The following FSTL5 variants were observed in gnomAD, a reference collection of about 807,000 sequenced individuals.
FSTL5 encodes follistatin-related protein 5.
FSTL5 carries 62 observed loss-of-function variants against 89.1 expected under a neutral mutation model. The ratio of observed to expected loss-of-function variants is 0.70; its 90% confidence interval spans 0.57 to 0.86. FSTL5 has a LOEUF of 0.86. FSTL5 is among the 40% of genes least tolerant of loss of function. FSTL5 has a pLI of 0.00. For synonymous variants in FSTL5, 383 were observed against 346.2 expected (o/e 1.11, Z -1.18); for missense variants, 1,057 against 1,001.6 (o/e 1.06, Z -0.75).
At chr4:161,407,013 T>C (rs897348564) in intron 15 of FSTL5, among the ~76,000 whole-genome samples, 2 of 152,142 alleles carry the variant, frequency 1.3e-5, no homozygotes, top group African/African-American at 4.8e-5. Context: ...TCTAGTACTG[T>C]CTTTTTTGTA....
At chr4:161,671,766 T>C (rs2126698792) in intron 6 of FSTL5, among the ~76,000 whole-genome samples, 1 of 152,234 alleles carries the variant, frequency 6.6e-6, no homozygotes, top group East Asian at 1.9e-4. Flanking sequence ...ATACCCAGAA[T>C]CCAAAACAAC....
intron 10 of FSTL5, among the ~76,000 whole-genome samples, chr4:161,510,703 T>A (rs1730623666): frequency 6.6e-6 from 1 of 151,758 alleles, no homozygotes; most frequent in African/African-American, 2.4e-5. Flanking sequence ...TTGAAAAGAA[T>A]AGGAAGTTTA....
chr4:161,574,767 G>C (rs1733152778), intron 8 of FSTL5, among the ~76,000 whole-genome samples: 3 of 152,102 alleles, frequency 2.0e-5, no homozygotes, highest in Non-Finnish European at 4.4e-5. Context: ...ATTTGGGTTG[G>C]TTGAAGTCTT....
chr4:161,591,665 T>C (rs1013656717), intron 7 of FSTL5, among the ~76,000 whole-genome samples: 1 of 152,176 alleles, frequency 6.6e-6, no homozygotes, highest in Non-Finnish European at 1.5e-5. Context: ...TTCTAAAACA[T>C]TGCAATCAGT....
In FSTL5 at chr4:161,669,994, G is replaced by A. The variant is rs182584606; in HGVS notation, c.728-13500C>T. Among the ~76,000 whole-genome samples the A allele has an allele frequency of 6.0e-3, 918 of 152,058 alleles. 9 individuals are homozygous for A. The highest frequency in any genetic ancestry group is 0.045 in the South Asian group (219 of 4,814). Reference sequence around the variant, plus strand: ...ATCAACTAAATGTTAAAAAACGTCAGGTATTTTTTCCTGTATGATTTATTG... The same window carrying A: ...ATCAACTAAATGTTAAAAAACGTCAAGTATTTTTTCCTGTATGATTTATTG... On this transcript the variant is annotated intron_variant, in intron 6 of 15. Coordinates refer to ENST00000306100, the MANE Select transcript of FSTL5 (RefSeq NM_020116.5).
chr4:161,709,539 A>T (rs909007516), intron 6 of FSTL5, among the ~76,000 whole-genome samples: 38 of 152,170 alleles, frequency 2.5e-4, no homozygotes, highest in African/African-American at 8.7e-4. Context: ...AGTGGCTCAC[A>T]ACTATAATCT....
chr4:162,072,929 T>G (rs1729688387), intron 2 of FSTL5, among the ~76,000 whole-genome samples: 1 of 151,780 alleles, frequency 6.6e-6, no homozygotes, highest in African/African-American at 2.4e-5. Context: ...GAATTTCTCC[T>G]GCCTAACTGC....
chr4:161,686,595 C>A (rs956074651), intron 6 of FSTL5, among the ~76,000 whole-genome samples: 1 of 151,098 alleles, frequency 6.6e-6, no homozygotes, highest in Non-Finnish European at 1.5e-5. Context: ...CTCCTGACCT[C>A]GTGATCTGCC....
At chr4:161,706,445 T>C (rs181226786) in intron 6 of FSTL5, among the ~76,000 whole-genome samples, 1 of 152,038 alleles carries the variant, frequency 6.6e-6, no homozygotes, top group Admixed American at 6.6e-5. Flanking sequence ...ATAAAAACGT[T>C]ATTGAATTAT....
chr4:161,386,160 C>T lies in FSTL5; in HGVS notation c.2131G>A (p.Asp711Asn), dbSNP rs3749598. 24 of 1,613,782 alleles carry T rather than the reference C, an allele frequency of 1.5e-5. No individual in the cohort carries two copies. The highest frequency in any genetic ancestry group is 1.9e-5 in the Non-Finnish European group (22 of 1,179,964). The change falls in exon 16 of 16, where the codon GAT (aspartate) becomes AAT (asparagine). Residue 711 changes from aspartate to asparagine, a missense_variant. Physicochemically the swap from Asp to Asn is conservative, Grantham distance 23 (BLOSUM62 1). Coordinates refer to ENST00000306100, the MANE Select transcript of FSTL5 (RefSeq NM_020116.5). The part of the protein sequence containing the change: ...PDGHYLVSIN[D>N]VKGLVRVQYI... ...TGAACCCTTACAAGACCTTTCACATCATTAATGCTGACAAGGTAGTGGCCA... is the reference window on the plus strand; with the variant it reads ...TGAACCCTTACAAGACCTTTCACATTATTAATGCTGACAAGGTAGTGGCCA...
intron 3 of FSTL5, among the ~76,000 whole-genome samples, chr4:162,015,775 C>T (rs1416110323): frequency 6.6e-6 from 1 of 152,234 alleles, no homozygotes; most frequent in African/African-American, 2.4e-5. Flanking sequence ...TTTCTTTACT[C>T]TTCAATCTCC....
rs7697099 is a variant in FSTL5, at chr4:161,994,906, T to A, written c.160+38719A>T. ...ATTTAATTAGATCCCATTTGTCAATTTTTGCTTTTGTTGTGATTGCTTTTG... is the reference window on the plus strand; with the variant it reads ...ATTTAATTAGATCCCATTTGTCAATATTTGCTTTTGTTGTGATTGCTTTTG... On this transcript the variant is annotated intron_variant, in intron 3 of 15. Coordinates refer to ENST00000306100, the MANE Select transcript of FSTL5 (RefSeq NM_020116.5). 8.6e-3 allele frequency among the ~76,000 whole-genome samples: 1,312 copies of A among 152,322 alleles called. 23 individuals carry two copies. The highest frequency in any genetic ancestry group is 0.03 in the African/African-American group (1,252 of 41,560).
chr4:162,070,364 T>C (rs1345021107), intron 2 of FSTL5, among the ~76,000 whole-genome samples: 1 of 151,930 alleles, frequency 6.6e-6, no homozygotes, highest in Non-Finnish European at 1.5e-5. Flanking sequence ...TTTAGTTTGA[T>C]ATAATATCTT....
intron 1 of FSTL5, among the ~76,000 whole-genome samples, chr4:162,154,895 G>A (rs962908147): frequency 9.2e-5 from 14 of 151,770 alleles, no homozygotes; most frequent in Admixed American, 7.2e-4. Context: ...ACATATTAAC[G>A]AATCCAAAAG....
intron 2 of FSTL5, among the ~76,000 whole-genome samples, chr4:162,087,937 G>A (rs1730387671): frequency 6.6e-6 from 1 of 151,806 alleles, no homozygotes; most frequent in Admixed American, 6.6e-5. Flanking sequence ...GTCATTCTTG[G>A]ATTATGGATT....
At chr4:161,543,927 A>T (rs1731918824) in intron 8 of FSTL5, among the ~76,000 whole-genome samples, 1 of 152,064 alleles carries the variant, frequency 6.6e-6, no homozygotes, top group African/African-American at 2.4e-5. Context: ...TAGTGCATCA[A>T]ATGACACTAT....
At chr4:161,948,424 T>C (rs887231111) in intron 3 of FSTL5, among the ~76,000 whole-genome samples, 2 of 151,646 alleles carry the variant, frequency 1.3e-5, no homozygotes, top group Non-Finnish European at 2.9e-5. Context: ...TTGTTTCCAA[T>C]TTTTGAGGGA....
chr4:161,713,073 A>G (rs1579041638), intron 6 of FSTL5, among the ~76,000 whole-genome samples: 1 of 152,160 alleles, frequency 6.6e-6, no homozygotes. Context: ...ATGTCCAGAC[A>G]AAGTAAGTGT....
intron 3 of FSTL5, among the ~76,000 whole-genome samples, chr4:161,979,781 A>T (rs916549706): frequency 6.6e-6 from 1 of 152,258 alleles, no homozygotes; most frequent in East Asian, 1.9e-4. Context: ...GGAATCAACC[A>T]TTCTTTCAAT....
Sources: gnomAD v4.1 joint callset for allele counts (sites outside exome capture counted in the v4.1 genomes callset) on GRCh38, gnomAD v4.1.1 for gene constraint, MANE v1.5 for transcripts, NCBI Gene and HGNC (gene_info 2026-07-23, HGNC 2026-07-21) for gene names.